Variants in SETDB2 observed in about 807,000 individuals in gnomAD.
SETDB2 encodes the protein SET domain bifurcated histone lysine methyltransferase 2.
In SETDB2, 56 loss-of-function variants were observed where a neutral mutation model predicts 82.5. The ratio of observed to expected loss-of-function variants is 0.68; its 90% CI spans 0.55 to 0.85. The LOEUF (loss-of-function observed/expected upper bound fraction) is 0.85. Ranked by LOEUF, SETDB2 falls within the 40% of genes least tolerant of loss-of-function variation. The pLI is 0.00. For synonymous variants in SETDB2, 272 were observed against 284.9 expected, an observed-to-expected ratio of 0.95 and a Z score of 0.46; for missense variants, 677 against 816.4, an observed-to-expected ratio of 0.83 and a Z score of 2.08.
chr13:49,480,326 T>C lies in SETDB2; in HGVS notation c.977T>C (p.Ile326Thr). The C allele has an allele frequency of 6.3e-7, 1 of 1,591,502 alleles. No individual in the cohort carries two copies. The highest frequency in any genetic ancestry group is 8.6e-7 in the Non-Finnish European group (1 of 1,168,178). Residue 326 changes from isoleucine (I) to threonine (T), a missense_variant, in exon 7 of 14, where the codon ATT (isoleucine) becomes ACT (threonine). By Grantham distance (89) the Ile-to-Thr change is moderately conservative (BLOSUM62 -1). This residue lies in a region of SETDB2 where 420 missense variants were observed against 554.6 expected (regional missense o/e 0.76). Transcript: ENST00000611815. ...AAATATAAAAGACTACAGAGACAGA[T>C]TCCTACTGGGTAAGGTACCTTGAGG... The part of the protein sequence containing the change: ...GYKYKRLQRQ[I>T]PTGIYECSLL...
rs1958506986 is a variant in SETDB2 at position 49,482,862 on chromosome 13, G to A, written c.1282G>A (p.Glu428Lys). 8.7e-6 allele frequency: 14 copies of A among 1,613,318 alleles called. No individual in the cohort carries two copies. Among genetic ancestry groups the A allele is most frequent in the Non-Finnish European group, 1.1e-5 (13 of 1,179,574 alleles). ...ATTAGAAGTTGCATGTTCAGATTGT[G>A]AAGTTGAAGTTCTCCCATTAGGATT... ...RKLEVACSDC[E>K]VEVLPLGLET... The change falls in exon 9 of 14, where the codon GAA becomes AAA. Residue 428 changes from glutamate (E) to lysine (K), a missense_variant. Coordinates refer to ENST00000611815, the MANE Select transcript of SETDB2 (RefSeq NM_001160308.3).
intron 2 of SETDB2, among the ~76,000 whole-genome samples, chr13:49,456,375 C>G (rs1374803901): frequency 6.6e-6 from 1 of 152,036 alleles, no homozygotes; most frequent in Non-Finnish European, 1.5e-5. Context: ...ATAACTATAC[C>G]ATGTACTTGG....
chr13:49,490,388 T>C (rs1270847175), intron 12 of SETDB2, among the ~76,000 whole-genome samples: 2 of 152,118 alleles, frequency 1.3e-5, no homozygotes, highest in Non-Finnish European at 2.9e-5. Flanking sequence ...TAGAATTCTA[T>C]TGTGTACCAA....
Position 49,493,996 on chromosome 13 carries a change from T to C in SETDB2, c.*2147T>C, listed in dbSNP as rs1469154073. On this transcript the variant is annotated 3_prime_UTR_variant, in exon 14 of 14. Transcript: ENST00000611815. ...CTGAAACTAATGATTTCCCATCTCT[T>C]CACTGTTTCTGGAATTCCTGTTTTC... is the stretch of plus-strand genomic sequence containing the variant. 5 of 152,250 alleles carry C rather than the reference T, an allele frequency of 3.3e-5. No individual in the cohort carries two copies. Among genetic ancestry groups the C allele is most frequent in the Admixed American group, 6.5e-5 (1 of 15,284 alleles). 9.4% of individuals were successfully genotyped at this position (152,250 alleles called of 1,614,324 possible).
chr13:49,461,466 A>G (rs1416470704), intron 4 of SETDB2, among the ~76,000 whole-genome samples: 2 of 152,198 alleles, frequency 1.3e-5, no homozygotes, highest in Non-Finnish European at 2.9e-5. Context: ...AAAACACTAT[A>G]TATCCGCTTT....
chr13:49,487,710 G>T (rs1438417440), intron 11 of SETDB2, among the ~76,000 whole-genome samples: 1 of 152,152 alleles, frequency 6.6e-6, no homozygotes, highest in Non-Finnish European at 1.5e-5. Flanking sequence ...ATTAAGCAGT[G>T]CATCTGCTTT....
intron 10 of SETDB2, 27 bp downstream of exon 10, chr13:49,483,590 C>T: frequency 1.3e-6 from 1 of 791,600 alleles, no homozygotes; most frequent in Non-Finnish European, 2.0e-6. Context: ...GTAGTTGGGA[C>T]CCTTCTTTTC....
Position 49,446,400 on chromosome 13 carries a change from A to G in SETDB2, c.-342+1543A>G, listed in dbSNP as rs1309622617. The G allele has an allele frequency of 6.6e-6, 3 of 456,302 alleles. No homozygotes were observed. The Admixed American group carries it at 7.1e-5, about 11-fold the overall frequency. The allele number at this position is 456,302 out of a possible 1,614,324, so 28.3% of individuals were successfully genotyped here. A position where few individuals can be genotyped will look rare whatever the true frequency, so the allele number is the denominator to read the frequency against. On this transcript the variant is annotated intron_variant, in intron 1 of 13. Coordinates refer to ENST00000611815, the MANE Select transcript of SETDB2 (RefSeq NM_001160308.3). ...CGTTCTTTGAAAGTTTTGTACAAGG[A>G]ATGTTCCCTCACTCCTCTCCCTCCC...
At chr13:49,485,047 T>C (rs1958568193) in intron 10 of SETDB2, among the ~76,000 whole-genome samples, 1 of 152,254 alleles carries the variant, frequency 6.6e-6, no homozygotes, top group South Asian at 2.1e-4. Flanking sequence ...AACTAAGTGC[T>C]CAATACATGT....
intron 4 of SETDB2, among the ~76,000 whole-genome samples, chr13:49,463,797 A>G (rs990156814): frequency 2.0e-5 from 3 of 152,180 alleles, no homozygotes; most frequent in African/African-American, 7.2e-5. Context: ...CACTCATACC[A>G]TAAGAGAAAG....
rs199783574 is a variant in SETDB2 at position 49,490,863 on chromosome 13, A to G, written c.1959A>G (p.Val653=). Residue 653 remains valine (V), a synonymous_variant, in exon 13 of 14, where the codon GTA becomes GTG. Transcript: ENST00000611815. ...ATCTCTTGGTACAGAATGTTTTTGTAGAAACACACAACAGGAATTTTCCAT... is the reference window on the plus strand; with the variant it reads ...ATCTCTTGGTACAGAATGTTTTTGTGGAAACACACAACAGGAATTTTCCAT... ...CPNLLVQNVF[V]ETHNRNFPLV... 24 of 1,613,694 alleles carry G rather than the reference A, an allele frequency of 1.5e-5. No individual in the cohort carries two copies. The highest frequency in any genetic ancestry group is 3.3e-4 in the Middle Eastern group (2 of 6,058).
chr13:49,465,072 T>TAAA lies in SETDB2; in HGVS notation c.209-2780_209-2778dup, dbSNP rs11404262. 6.3e-5 allele frequency among the ~76,000 whole-genome samples: 9 copies of TAAA among 142,286 alleles called. No homozygotes were observed. The South Asian group carries it at 1.8e-3, about 29-fold the overall frequency. The allele number at this position is 142,286 out of a possible 152,430, so 93.3% of individuals were successfully genotyped here. ...CTAGGCAAGAGAGTGAGACCCTGTC[T>TAAA]AAAAAAAAAAAAAAGTTTCACGCTA... On this transcript the variant is annotated intron_variant, in intron 4 of 13. Coordinates refer to ENST00000611815, the MANE Select transcript of SETDB2 (RefSeq NM_001160308.3).
chr13:49,485,176 A>T (rs956034309), intron 10 of SETDB2, among the ~76,000 whole-genome samples: 12 of 152,232 alleles, frequency 7.9e-5, no homozygotes, highest in Admixed American at 2.6e-4. Flanking sequence ...TATCATTACT[A>T]CTTAAAGTGA....
intron 5 of SETDB2, among the ~76,000 whole-genome samples, chr13:49,471,643 A>G (rs1317800881): frequency 6.6e-6 from 1 of 152,044 alleles, no homozygotes; most frequent in Non-Finnish European, 1.5e-5. Flanking sequence ...CAAACCCAAA[A>G]GATTATTTTT....
intron 10 of SETDB2, 150 bp downstream of exon 10, chr13:49,483,713 C>T: frequency 2.3e-6 from 1 of 428,928 alleles, no homozygotes; most frequent in Non-Finnish European, 4.1e-6. Flanking sequence ...ACTGCAGCCA[C>T]AATCTCCTGG....
intron 8 of SETDB2, chr13:49,482,162 A>C (rs1362800576): frequency 9.1e-6 from 9 of 985,306 alleles, no homozygotes; most frequent in Non-Finnish European, 9.6e-6. Flanking sequence ...GTTGCTGGAA[A>C]ATGTAACTAA....
rs1958741578 is a variant in SETDB2 at position 49,492,980 on chromosome 13, A to G, written c.*1131A>G. On this transcript the variant is annotated 3_prime_UTR_variant, in exon 14 of 14. Transcript: ENST00000611815. Reference sequence around the variant, plus strand: ...CTCAAAAAAAACAGCACACACACACACACACGAAAACAATTCTGAACTATG... The same window carrying G: ...CTCAAAAAAAACAGCACACACACACGCACACGAAAACAATTCTGAACTATG... 1 of 151,980 alleles carries G rather than the reference A, an allele frequency of 6.6e-6. No individual in the cohort carries two copies. Among genetic ancestry groups the G allele is most frequent in the South Asian group, 2.1e-4 (1 of 4,820 alleles). 9.4% of individuals were successfully genotyped at this position (151,980 alleles called of 1,614,324 possible). A position where few individuals can be genotyped will look rare whatever the true frequency, so the allele number is the denominator to read the frequency against.
In SETDB2 at chr13:49,494,699, G is replaced by A. The variant is rs1486822982; in HGVS notation, c.*2850G>A. 2.0e-5 allele frequency: 3 copies of A among 151,992 alleles called. No homozygotes were observed. Among genetic ancestry groups the A allele is most frequent in the Admixed American group, 6.5e-5 (1 of 15,268 alleles). The allele number at this position is 151,992 out of a possible 1,614,324, so 9.4% of individuals were successfully genotyped here. A position where few individuals can be genotyped will look rare whatever the true frequency, so the allele number is the denominator to read the frequency against. ...TGTCTGCTCACTTCCCTGTTTTGCA[G>A]ACCCCACACTCTTCTGCAATTCATT... On this transcript the variant is annotated 3_prime_UTR_variant, in exon 14 of 14. Coordinates refer to ENST00000611815, the MANE Select transcript of SETDB2 (RefSeq NM_001160308.3).
intron 1 of SETDB2, chr13:49,446,366 A>C: frequency 2.2e-6 from 1 of 456,108 alleles, no homozygotes; most frequent in Non-Finnish European, 4.4e-6. Flanking sequence ...GTATATGATA[A>C]AAATTCTCCG....
Sources: gnomAD v4.1 joint callset for allele counts (sites outside exome capture counted in the v4.1 genomes callset) on GRCh38, gnomAD v4.1.1 for gene constraint, gnomAD v4.1.1 regional missense constraint, MANE v1.5 for transcripts, NCBI Gene and HGNC (gene_info 2026-07-23, HGNC 2026-07-21) for gene names.